Variants in SPATA6 observed in about 807,000 individuals in gnomAD.
SPATA6 encodes the protein spermatogenesis associated 6, also known as spermatogenesis-associated protein 6.
In SPATA6, 56 loss-of-function variants were observed where a neutral mutation model predicts 65.3. The ratio of observed to expected loss-of-function variants is 0.86; its 90% CI spans 0.69 to 1.07. The LOEUF is 1.07. SPATA6 is among the 50% of genes least tolerant of loss of function. The pLI is 0.00. For missense variants in SPATA6, 590 were observed against 594.8 expected (o/e 0.99, Z 0.08); for synonymous variants, 199 against 213.2 (o/e 0.93, Z 0.58).
chr1:48,265,292 C>T, the SPATA6 span, among the ~76,000 whole-genome samples: 2,655 of 150,852 alleles, frequency 0.018, 71 homozygotes, highest in African/African-American at 0.062. Flanking sequence ...TTTCCTAGTG[C>T]TACTGATAAT....
chr1:48,323,105 T>C (rs1272571492), intron 11 of SPATA6, among the ~76,000 whole-genome samples: 1 of 152,104 alleles, frequency 6.6e-6, no homozygotes, highest in African/African-American at 2.4e-5. Flanking sequence ...CATTCTACTA[T>C]AAAGACACAT....
At chr1:48,393,100 G>A (rs1333263167) in intron 8 of SPATA6, among the ~76,000 whole-genome samples, 1 of 152,114 alleles carries the variant, frequency 6.6e-6, no homozygotes, top group Non-Finnish European at 1.5e-5. Flanking sequence ...AGGAGTCAAA[G>A]TTGAGGTTTA....
intron 7 of SPATA6, among the ~76,000 whole-genome samples, chr1:48,396,581 C>T (rs11809217): frequency 0.25 from 37,215 of 151,456 alleles, 4,785 homozygotes; most frequent in Admixed American, 0.3. Context: ...TATTATTCAA[C>T]GGTAAAAGGG....
At chr1:48,386,775 A>G (rs1649517265) in intron 8 of SPATA6, among the ~76,000 whole-genome samples, 1 of 152,178 alleles carries the variant, frequency 6.6e-6, no homozygotes, top group South Asian at 2.1e-4. Context: ...GCACTGCCCA[A>G]GAGAGAACAC....
intron 11 of SPATA6, among the ~76,000 whole-genome samples, chr1:48,350,302 C>CTTTT (rs545116914): frequency 7.1e-6 from 1 of 140,564 alleles, no homozygotes; most frequent in African/African-American, 2.6e-5. Context: ...GCTTTTCTTT[C>CTTTT]TTTTTTTTTT....
intron 3 of SPATA6, among the ~76,000 whole-genome samples, chr1:48,427,428 T>A (rs979833034): frequency 7.0e-6 from 1 of 143,778 alleles, no homozygotes. Context: ...ATTAAGAAAA[T>A]TGAGGCAAAA....
intron 1 of SPATA6, among the ~76,000 whole-genome samples, chr1:48,464,211 A>G (rs1657648749): frequency 6.6e-6 from 1 of 152,096 alleles, no homozygotes; most frequent in Admixed American, 6.6e-5. Flanking sequence ...CTTCAGAAGC[A>G]TAATTTAAAA....
At chr1:48,312,717 GAGA>G (rs1446625244) in intron 11 of SPATA6, among the ~76,000 whole-genome samples, 11 of 151,376 alleles carry the variant, frequency 7.3e-5, no homozygotes, top group African/African-American at 2.2e-4. Context: ...GACGAGTTGA[GAGA>G]AGAAGGCTTC....
intron 9 of SPATA6, among the ~76,000 whole-genome samples, chr1:48,372,816 G>A (rs1040043274): frequency 6.6e-5 from 10 of 152,196 alleles, no homozygotes; most frequent in African/African-American, 2.4e-4. Context: ...CGCTGCCAAG[G>A]CTTGGGGCTT....
At chr1:48,364,261 T>C (rs1261192226) in intron 9 of SPATA6, among the ~76,000 whole-genome samples, 3 of 152,256 alleles carry the variant, frequency 2.0e-5, no homozygotes, top group Non-Finnish European at 4.4e-5. Context: ...ACAATAAACA[T>C]ACATGTGCAT....
At position 48,383,292 on chromosome 1, in the gene SPATA6, T is replaced by TGGCC. The variant is rs1648978714; in HGVS notation, c.909+2013_909+2016dup. ...CCCCTCACCTCCCGGACGGGGCGGC[T>TGGCC]GGCCGGGCGGGGGGCTGACCCCCCC... On this transcript the variant is annotated intron_variant, in intron 9 of 12. Coordinates refer to ENST00000371847, the MANE Select transcript of SPATA6 (RefSeq NM_019073.4). Among the ~76,000 whole-genome samples, 2 of 45,440 alleles carry TGGCC rather than the reference T, an allele frequency of 4.4e-5. 1 individual carries two copies. The highest frequency in any genetic ancestry group is 1.3e-4 in the African/African-American group (2 of 15,828). 29.8% of individuals were successfully genotyped at this position (45,440 alleles called of 152,430 possible). A position where few individuals can be genotyped will look rare whatever the true frequency, so the allele number is the denominator to read the frequency against.
intron 11 of SPATA6, among the ~76,000 whole-genome samples, chr1:48,326,278 AC>A (rs1322815016): frequency 6.6e-6 from 1 of 152,232 alleles, no homozygotes; most frequent in Non-Finnish European, 1.5e-5. Flanking sequence ...ACAGAAATAT[AC>A]CTAAGAATAC....
At chr1:48,275,019 C>T in the SPATA6 span, among the ~76,000 whole-genome samples, 1 of 152,244 alleles carries the variant, frequency 6.6e-6, no homozygotes, top group South Asian at 2.1e-4. Context: ...TTTCTCTGAG[C>T]AGTGGTTTGT....
chr1:48,422,779 T>A (rs150581179), intron 3 of SPATA6, among the ~76,000 whole-genome samples: 1 of 152,330 alleles, frequency 6.6e-6, no homozygotes, highest in East Asian at 1.9e-4. Flanking sequence ...ACAGTTAATT[T>A]TGGGGAAGTA....
chr1:48,443,618 CCT>C (rs1225949094), intron 3 of SPATA6, among the ~76,000 whole-genome samples: 1 of 152,206 alleles, frequency 6.6e-6, no homozygotes, highest in African/African-American at 2.4e-5. Context: ...GGACTTTGCA[CCT>C]TCTTAGGGGA....
intron 8 of SPATA6, among the ~76,000 whole-genome samples, chr1:48,391,809 G>C (rs1180011284): frequency 6.6e-6 from 1 of 151,898 alleles, no homozygotes; most frequent in Non-Finnish European, 1.5e-5. Flanking sequence ...TTATACCAGA[G>C]AGTAATCTCT....
the SPATA6 span, among the ~76,000 whole-genome samples, chr1:48,282,446 G>A: frequency 2.6e-5 from 4 of 151,940 alleles, no homozygotes; most frequent in Non-Finnish European, 5.9e-5. Context: ...CTGAGAAAGG[G>A]GCTAATATCC....
chr1:48,455,352 C>T (rs1656916350), intron 1 of SPATA6, among the ~76,000 whole-genome samples: 1 of 151,586 alleles, frequency 6.6e-6, no homozygotes, highest in African/African-American at 2.4e-5. Flanking sequence ...TTAAATAAAA[C>T]ATATTATTAC....
At chr1:48,285,317 T>C in the SPATA6 span, among the ~76,000 whole-genome samples, 3 of 152,130 alleles carry the variant, frequency 2.0e-5, 1 homozygote, top group South Asian at 6.2e-4. Context: ...TTCAGACTGC[T>C]GTGCTGGCTG....
Sources: allele counts gnomAD v4.1 joint callset (sites outside exome capture counted in the v4.1 genomes callset), GRCh38; gene constraint gnomAD v4.1.1; transcripts MANE v1.5; gene names NCBI Gene and HGNC (gene_info 2026-07-23, HGNC 2026-07-21).